The following LRRC61 variants were observed in gnomAD, a reference collection of about 807,000 sequenced individuals.
LRRC61 encodes the protein leucine rich repeat containing 61.
In LRRC61, 9 loss-of-function variants were observed where a neutral mutation model predicts 15.1. That is an observed-to-expected ratio of 0.60 (90% CI 0.36 to 1.04). The LOEUF is 1.04. Ranked by LOEUF, LRRC61 falls within the 50% of genes least tolerant of loss-of-function variation. The probability of loss-of-function intolerance (pLI) is 0.01; values close to 1 mark genes in which losing one functional copy is unlikely to be tolerated. For synonymous variants in LRRC61, 173 were observed against 158.6 expected (o/e 1.09, Z -0.68); for missense variants, 344 against 335.6 (o/e 1.03, Z -0.20).
At position 150,336,844 on chromosome 7, in the gene LRRC61, C is replaced by G. The variant is rs1798308017; in HGVS notation, c.-18C>G. 2 of 1,588,860 alleles carry G rather than the reference C, an allele frequency of 1.3e-6. No homozygotes were observed. The highest frequency in any genetic ancestry group is 1.7e-6 in the Non-Finnish European group (2 of 1,165,782). On this transcript the variant is annotated 5_prime_UTR_variant, in exon 3 of 3. Transcript: ENST00000359623. ...CAGTCCTGCCAGGGCCCAGGCCATC[C>G]CAACCGACTTCCATCTCATGGACCC...
upstream of LRRC61, among the ~76,000 whole-genome samples, chr7:150,319,099 A>G (rs1797223054): frequency 6.6e-6 from 1 of 152,226 alleles, no homozygotes; most frequent in Admixed American, 6.5e-5. Flanking sequence ...TTGTCAATTT[A>G]GGCAATTTAA....
chr7:150,323,511 A>T lies in LRRC61; in HGVS notation c.-364A>T, dbSNP rs967329899. On this transcript the variant is annotated 5_prime_UTR_variant, in exon 1 of 3. Coordinates refer to ENST00000359623, the MANE Select transcript of LRRC61 (RefSeq NM_001142928.2). ...GCTCTGCGGTGCGGAGTTGCGCCGG[A>T]CTTCCCAGCTTGGCCAGTGGCTCCG... 1 of 435,270 alleles carries T rather than the reference A, an allele frequency of 2.3e-6. No homozygotes were observed. Among genetic ancestry groups the T allele is most frequent in the African/African-American group, 2.1e-5 (1 of 47,392 alleles). The allele number at this position is 435,270 out of a possible 1,614,324, so 27.0% of individuals were successfully genotyped here.
At chr7:150,321,717 G>A (rs1255200355), upstream of LRRC61, among the ~76,000 whole-genome samples, 1 of 152,138 alleles carries the variant, frequency 6.6e-6, no homozygotes, top group African/African-American at 2.4e-5. Flanking sequence ...TCCAGCCTGG[G>A]CAAGAGAGTG....
chr7:150,326,058 C>T (rs1364427513), intron 2 of LRRC61, 48 bp downstream of exon 2: 1 of 152,358 alleles, frequency 6.6e-6, no homozygotes, highest in African/African-American at 2.4e-5. Flanking sequence ...GTGTAATAGA[C>T]CCTGTTTCTC....
chr7:150,319,784 T>C (rs1797309049), upstream of LRRC61, among the ~76,000 whole-genome samples: 1 of 152,208 alleles, frequency 6.6e-6, no homozygotes, highest in South Asian at 2.1e-4. Flanking sequence ...CTAATGTAGC[T>C]ACTTCCCACT....
At chr7:150,311,101 T>C in the LRRC61 span, among the ~76,000 whole-genome samples, 5,292 of 152,288 alleles carry the variant, frequency 0.035, 303 homozygotes, top group African/African-American at 0.12. Context: ...CTAACCAAAC[T>C]GCTTTACAAG....
At chr7:150,319,162 T>A (rs1432134673), upstream of LRRC61, among the ~76,000 whole-genome samples, 5 of 152,282 alleles carry the variant, frequency 3.3e-5, no homozygotes, top group Admixed American at 3.3e-4. Context: ...GTCGAGTGAC[T>A]CTGAAATTTA....
In LRRC61 at chr7:150,330,656, G is replaced by C; in HGVS notation, c.-145+4646G>C. 9.2e-7 allele frequency: 1 copy of C among 1,089,082 alleles called. No individual in the cohort carries two copies. The highest frequency in any genetic ancestry group is 1.2e-5 in the South Asian group (1 of 80,598). The allele number at this position is 1,089,082 out of a possible 1,614,324, so 67.5% of individuals were successfully genotyped here. A position where few individuals can be genotyped will look rare whatever the true frequency, so the allele number is the denominator to read the frequency against. On this transcript the variant is annotated intron_variant, in intron 2 of 2. Coordinates refer to ENST00000359623, the MANE Select transcript of LRRC61 (RefSeq NM_001142928.2). The surrounding 1 kb of genome is among the most constrained non-coding windows in gnomAD (Gnocchi z 4.6). ...TGCTGGACCCTTGCTTCAAGGGGAA[G>C]ATTGAGGCCATCCTGCCATGGGGGC...
chr7:150,329,680 T>C (rs1261056920), intron 2 of LRRC61: 1 of 152,248 alleles, frequency 6.6e-6, no homozygotes, highest in Non-Finnish European at 1.5e-5. Flanking sequence ...CACTCCAGCA[T>C]GGGAAATATT....
upstream of LRRC61, chr7:150,323,306 C>T: frequency 3.8e-6 from 1 of 260,802 alleles, no homozygotes; most frequent in South Asian, 3.2e-5. Context: ...ATCCCGGAAT[C>T]CAGAGCGCCC....
At position 150,337,453 on chromosome 7, in the gene LRRC61, C is replaced by T; in HGVS notation, c.592C>T (p.Pro198Ser). Residue 198 changes from proline to serine, a missense_variant, in exon 3 of 3, where the codon CCC (proline) becomes TCC (serine). By Grantham distance (74) the Pro-to-Ser change is moderately conservative. Coordinates refer to ENST00000359623, the MANE Select transcript of LRRC61 (RefSeq NM_001142928.2). The stretch of plus-strand genomic sequence containing the variant: ...AGGCCCCAGAGCCACCGAGGCCCAG[C>T]CCTGGGTGGAGCCAGGCTACTGGGA... ...SPGPRATEAQ[P>S]WVEPGYWESW... The T allele has an allele frequency of 6.2e-7, 1 of 1,604,188 alleles. No homozygotes were observed. The highest frequency in any genetic ancestry group is 1.7e-4 in the Middle Eastern group (1 of 6,060).
At chr7:150,329,572 G>C (rs899042721) in intron 2 of LRRC61, among the ~76,000 whole-genome samples, 1 of 152,222 alleles carries the variant, frequency 6.6e-6, no homozygotes, top group Non-Finnish European at 1.5e-5. Flanking sequence ...GAGGAAACAA[G>C]ATGTGAGTAA....
rs3839683 is a variant in LRRC61, at chr7:150,331,068, GC to G, written c.-145+5060del. ...GGCTTACTGGGAGAAGAAGCGAGAA[GC>G]CTGGCCACCATCTATCTGTCTTACC... On this transcript the variant is annotated intron_variant, in intron 2 of 2. Transcript: ENST00000359623. 0.012 allele frequency: 19,506 copies of G among 1,613,082 alleles called. 802 individuals carry two copies. In the East Asian group the frequency reaches 0.15, roughly 12 times the overall value.
the LRRC61 span, among the ~76,000 whole-genome samples, chr7:150,316,903 A>G: frequency 1.3e-5 from 2 of 152,100 alleles, no homozygotes. Context: ...CCTGAACATG[A>G]TAAGCTTTTC....
At chr7:150,313,297 G>A in the LRRC61 span, among the ~76,000 whole-genome samples, 5 of 152,290 alleles carry the variant, frequency 3.3e-5, no homozygotes, top group Non-Finnish European at 7.4e-5. Context: ...GTTCAGAAAG[G>A]TGGGACAACT....
At chr7:150,315,951 A>T in the LRRC61 span, among the ~76,000 whole-genome samples, 1 of 152,180 alleles carries the variant, frequency 6.6e-6, no homozygotes, top group Non-Finnish European at 1.5e-5. Flanking sequence ...TAATCCCAGC[A>T]CTTCGGGAGG....
At chr7:150,314,752 T>C in the LRRC61 span, among the ~76,000 whole-genome samples, 1 of 141,862 alleles carries the variant, frequency 7.0e-6, no homozygotes, top group Non-Finnish European at 1.5e-5. Context: ...CTGAGCAACA[T>C]GGCAAAATCC....
At chr7:150,318,958 C>T (rs372831344), upstream of LRRC61, among the ~76,000 whole-genome samples, 3 of 152,144 alleles carry the variant, frequency 2.0e-5, no homozygotes, top group South Asian at 6.2e-4. Flanking sequence ...GGTGTGGGCC[C>T]TGTATTCTGC....
the LRRC61 span, among the ~76,000 whole-genome samples, chr7:150,310,807 G>A: frequency 6.6e-6 from 1 of 152,106 alleles, no homozygotes; most frequent in Non-Finnish European, 1.5e-5. Context: ...ATATGTTGAT[G>A]AACTTCTTCT....
Sources: gnomAD v4.1 joint callset for allele counts (sites outside exome capture counted in the v4.1 genomes callset) on GRCh38, gnomAD v4.1.1 for gene constraint, Gnocchi (gnomAD v3.1) non-coding constraint, MANE v1.5 for transcripts, NCBI Gene and HGNC (gene_info 2026-07-23, HGNC 2026-07-21) for gene names.